FSIP2: variants seen among roughly 807,000 people sequenced by gnomAD.
FSIP2 encodes the protein fibrous sheath interacting protein 2.
In FSIP2, 367 loss-of-function variants were observed where a neutral mutation model predicts 510.5. The observed-to-expected ratio is 0.72, with a 90% CI of 0.66 to 0.78. The LOEUF is 0.78. Ranked by LOEUF, FSIP2 falls within the 30% of genes least tolerant of loss-of-function variation. The pLI is 0.00. For synonymous variants in FSIP2, 2,601 were observed against 2,732.2 expected, an observed-to-expected ratio of 0.95 and a Z score of 1.50; for missense variants, 7,594 against 7,901.7, an observed-to-expected ratio of 0.96 and a Z score of 1.48.
At chr2:185,744,584 T>C (rs770755397) in intron 4 of FSIP2, 173 bp downstream of exon 4, 66 of 207,658 alleles carry the variant, frequency 3.2e-4, no homozygotes, top group Non-Finnish European at 5.5e-4. Flanking sequence ...AATTTTGCTA[T>C]AGTTGGCCAA....
intron 19 of FSIP2, among the ~76,000 whole-genome samples, chr2:185,822,797 T>C (rs1405036073): frequency 6.6e-6 from 1 of 151,838 alleles, no homozygotes; most frequent in Non-Finnish European, 1.5e-5. Context: ...ATTTACTGAT[T>C]TCAAATCTTA....
At chr2:185,785,144 C>T (rs769353402) in intron 14 of FSIP2, among the ~76,000 whole-genome samples, 4 of 152,024 alleles carry the variant, frequency 2.6e-5, no homozygotes, top group Non-Finnish European at 4.4e-5. Context: ...AATCTGAATG[C>T]ATTAGGTTGC....
chr2:185,740,073 G>C (rs1691893407), intron 2 of FSIP2, among the ~76,000 whole-genome samples: 1 of 152,110 alleles, frequency 6.6e-6, no homozygotes, highest in East Asian at 1.9e-4. Flanking sequence ...TCCAACCAGA[G>C]AGGCTCAGCT....
At chr2:185,782,991 G>A (rs1692887497) in intron 14 of FSIP2, among the ~76,000 whole-genome samples, 1 of 152,022 alleles carries the variant, frequency 6.6e-6, no homozygotes, top group Non-Finnish European at 1.5e-5. Flanking sequence ...TATAGTCAGG[G>A]TCTCCATGCC....
chr2:185,797,352 G>T lies in FSIP2; in HGVS notation c.10216G>T (p.Asp3406Tyr). The T allele has an allele frequency of 6.5e-7, 1 of 1,528,252 alleles. No individual in the cohort carries two copies. Among genetic ancestry groups the T allele is most frequent in the Non-Finnish European group, 8.7e-7 (1 of 1,144,642 alleles). The allele number at this position is 1,528,252 out of a possible 1,614,324, so 94.7% of individuals were successfully genotyped here. Reference protein sequence around the residue: ...ENENLEASREDSSFLQKLKKK... With the variant: ...ENENLEASREYSSFLQKLKKK... ...TGAAAACCTTGAAGCCAGCCGGGAA[G>T]ATTCTTCTTTTTTGCAAAAATTGAA... Residue 3406 changes from aspartate (D) to tyrosine (Y), a missense_variant, in exon 16 of 23, where the codon GAT becomes TAT. Coordinates refer to ENST00000424728, the MANE Select transcript of FSIP2 (RefSeq NM_173651.4).
In FSIP2 at chr2:185,794,561, A is replaced by G. The variant is rs923897053; in HGVS notation, c.7425A>G (p.Ser2475=). The change falls in exon 16 of 23, where the codon TCA becomes TCG. Residue 2475 remains serine, a synonymous_variant. Transcript: ENST00000424728. ...LEEIFMRNGE[S]KNKEKGELLI... ...AAATATTTATGAGAAATGGAGAATC[A>G]AAAAACAAAGAAAAAGGTGAACTGC... 1 of 1,531,144 alleles carries G rather than the reference A, an allele frequency of 6.5e-7. No individual in the cohort carries two copies. Among genetic ancestry groups the G allele is most frequent in the Non-Finnish European group, 8.7e-7 (1 of 1,144,766 alleles). The allele number at this position is 1,531,144 out of a possible 1,614,324, so 94.8% of individuals were successfully genotyped here. A position where few individuals can be genotyped will look rare whatever the true frequency, so the allele number is the denominator to read the frequency against.
chr2:185,816,895 GAAAGA>G (rs1427322218), intron 19 of FSIP2, among the ~76,000 whole-genome samples: 1 of 145,468 alleles, frequency 6.9e-6, no homozygotes, highest in African/African-American at 2.5e-5. Context: ...GAAAGAAAGA[GAAAGA>G]AAAGAGAGAG....
intron 14 of FSIP2, among the ~76,000 whole-genome samples, chr2:185,784,918 T>C (rs1692931702): frequency 6.6e-6 from 1 of 152,070 alleles, no homozygotes; most frequent in Non-Finnish European, 1.5e-5. Flanking sequence ...GCTGATGCCA[T>C]GCTTTATCTG....
chr2:185,758,691 C>T (rs1692293485), intron 9 of FSIP2, among the ~76,000 whole-genome samples: 1 of 151,016 alleles, frequency 6.6e-6, no homozygotes, highest in Admixed American at 6.6e-5. Flanking sequence ...ATCTTCCTTG[C>T]TACCTGGGAA....
chr2:185,811,347 T>G (rs2105662584), intron 17 of FSIP2, among the ~76,000 whole-genome samples: 1 of 151,834 alleles, frequency 6.6e-6, no homozygotes, highest in South Asian at 2.1e-4. Flanking sequence ...CACACGCTTG[T>G]AGTCCCAGCT....
At chr2:185,756,159 GT>G (rs1244278973) in intron 8 of FSIP2, 32 bp from the exon 9 acceptor site, 1 of 874,052 alleles carries the variant, frequency 1.1e-6, no homozygotes, top group Non-Finnish European at 1.7e-6. Flanking sequence ...ATCATCATAA[GT>G]AAAAATAAAT....
At chr2:185,786,380 G>A (rs1692978297) in intron 15 of FSIP2, 92 bp downstream of exon 15, 1 of 788,280 alleles carries the variant, frequency 1.3e-6, no homozygotes, top group Non-Finnish European at 2.0e-6. Flanking sequence ...TAAGTAATAG[G>A]AATCATCCAT....
chr2:185,811,835 G>A (rs1405025741), intron 17 of FSIP2, among the ~76,000 whole-genome samples: 1 of 152,094 alleles, frequency 6.6e-6, no homozygotes, highest in African/African-American at 2.4e-5. Flanking sequence ...TAGCCTTGGT[G>A]GTTTCTATGT....
In FSIP2 at chr2:185,813,860, C is replaced by T; in HGVS notation, c.20143C>T (p.Leu6715=). The change falls in exon 18 of 23, where the codon CTA becomes TTA. Residue 6715 remains leucine, a synonymous_variant. Transcript: ENST00000424728. ...GAGCAGCCTGAAAAAATTTTTGTCA[C>T]TAAGTAAATGTTGTCAGACCACAGC... ...STSSLKKFLS[L]SKCCQTTASA... 6.2e-7 allele frequency: 1 copy of T among 1,613,610 alleles called. No individual in the cohort carries two copies. The highest frequency in any genetic ancestry group is 1.3e-5 in the African/African-American group (1 of 75,016).
In FSIP2 at chr2:185,806,569, G is replaced by C. The variant is rs1430930896; in HGVS notation, c.17263G>C (p.Glu5755Gln). The change falls in exon 17 of 23, where the codon GAG becomes CAG. Residue 5755 changes from glutamate (E) to glutamine (Q), a missense_variant. Coordinates refer to ENST00000424728, the MANE Select transcript of FSIP2 (RefSeq NM_173651.4). ...AAAAGAAGAGGAAGAGAGAGAAAAA[G>C]AGAAAGTAAGAGAGGAGATTAAAAG... is the stretch of plus-strand genomic sequence containing the variant. ...KEKEEEEREK[E>Q]KVREEIKSEP... 1 of 1,604,558 alleles carries C rather than the reference G, an allele frequency of 6.2e-7. No homozygotes were observed. Among genetic ancestry groups the C allele is most frequent in the Non-Finnish European group, 8.5e-7 (1 of 1,177,068 alleles).
intron 13 of FSIP2, among the ~76,000 whole-genome samples, chr2:185,782,477 G>A (rs1300959762): frequency 2.6e-5 from 4 of 152,128 alleles, no homozygotes; most frequent in Non-Finnish European, 5.9e-5. Flanking sequence ...CTGGACCATA[G>A]CATAAGTATG....
intron 13 of FSIP2, among the ~76,000 whole-genome samples, chr2:185,769,156 T>C (rs1341921196): frequency 1.3e-5 from 2 of 152,184 alleles, no homozygotes; most frequent in African/African-American, 4.8e-5. Context: ...TAGCCAGTAA[T>C]GGGATCTCAG....
chr2:185,763,966 T>A (rs1407797535), intron 12 of FSIP2, among the ~76,000 whole-genome samples: 1 of 151,662 alleles, frequency 6.6e-6, no homozygotes, highest in African/African-American at 2.4e-5. Flanking sequence ...ACATCAGGTT[T>A]AGTTCACTGT....
chr2:185,831,158 T>C (rs1694101568), intron 21 of FSIP2, among the ~76,000 whole-genome samples: 1 of 151,926 alleles, frequency 6.6e-6, no homozygotes, highest in Non-Finnish European at 1.5e-5. Flanking sequence ...TTTTAACAGA[T>C]GACATTTTAG....
Sources: allele counts gnomAD v4.1 joint callset (sites outside exome capture counted in the v4.1 genomes callset), GRCh38; gene constraint gnomAD v4.1.1; transcripts MANE v1.5; gene names NCBI Gene and HGNC (gene_info 2026-07-23, HGNC 2026-07-21).